The following ARHGAP8 variants were observed in gnomAD, a reference collection of about 807,000 sequenced individuals.
The protein encoded by ARHGAP8 is Rho GTPase activating protein 8.
A neutral mutation model predicts 46.1 loss-of-function variants in ARHGAP8; 62 were observed. That is an observed-to-expected ratio of 1.34 (90% CI 1.10 to 1.66). The LOEUF (loss-of-function observed/expected upper bound fraction) is 1.66. Among genes scored for constraint, ARHGAP8 ranks in the 40% most tolerant of loss-of-function variants. ARHGAP8 has a pLI of 0.00. For synonymous variants in ARHGAP8, 375 were observed against 243.1 expected (o/e 1.54, Z -5.05); for missense variants, 923 against 568.4 (o/e 1.62, Z -6.34).
chr22:44,798,873 TC>T (rs1928286751), intron 2 of ARHGAP8, among the ~76,000 whole-genome samples: 1 of 151,656 alleles, frequency 6.6e-6, no homozygotes, highest in African/African-American at 2.4e-5. Context: ...TCAAGCAATT[TC>T]CTGCCTCAGC....
intron 11 of ARHGAP8, 127 bp downstream of exon 11, chr22:44,859,961 A>C (rs1287211699): frequency 2.7e-6 from 3 of 1,113,350 alleles, no homozygotes; most frequent in African/African-American, 1.6e-5. Flanking sequence ...TCGGAATACC[A>C]CTCCCTGCCC....
chr22:44,781,203 C>A (rs1392401588), intron 1 of ARHGAP8, among the ~76,000 whole-genome samples: 2 of 152,092 alleles, frequency 1.3e-5, no homozygotes, highest in African/African-American at 4.8e-5. Flanking sequence ...ATCAGCATTT[C>A]ACATCCAGAT....
At chr22:44,847,456 A>G (rs1373744940) in intron 8 of ARHGAP8, among the ~76,000 whole-genome samples, 1 of 152,206 alleles carries the variant, frequency 6.6e-6, no homozygotes, top group African/African-American at 2.4e-5. Flanking sequence ...GGCTCATGCA[A>G]TTGAGTGACT....
At chr22:44,861,472 G>A (rs1306345848) in intron 11 of ARHGAP8, among the ~76,000 whole-genome samples, 1 of 149,090 alleles carries the variant, frequency 6.7e-6, no homozygotes, top group African/African-American at 2.5e-5. Context: ...CGGCAGCCAG[G>A]GGGAGCCTGA....
intron 1 of ARHGAP8, among the ~76,000 whole-genome samples, chr22:44,753,640 C>G (rs1274069018): frequency 6.6e-6 from 1 of 152,108 alleles, no homozygotes; most frequent in Non-Finnish European, 1.5e-5. Context: ...CTGAGAATCC[C>G]TCGGGCTCTG....
At chr22:44,776,989 C>T (rs972321320) in intron 1 of ARHGAP8, among the ~76,000 whole-genome samples, 1 of 152,140 alleles carries the variant, frequency 6.6e-6, no homozygotes, top group African/African-American at 2.4e-5. Flanking sequence ...GCTGTTCCTG[C>T]TGTTTCTGGG....
At chr22:44,860,828 C>A (rs997507913) in intron 11 of ARHGAP8, among the ~76,000 whole-genome samples, 3 of 152,194 alleles carry the variant, frequency 2.0e-5, no homozygotes, top group Non-Finnish European at 4.4e-5. Context: ...AATGTTTAAC[C>A]CCCTCCATCT....
At chr22:44,842,273 C>G (rs933814274) in intron 7 of ARHGAP8, among the ~76,000 whole-genome samples, 1 of 152,184 alleles carries the variant, frequency 6.6e-6, no homozygotes, top group Non-Finnish European at 1.5e-5. Context: ...AGGAGAATTG[C>G]TTCAACTCAG....
chr22:44,831,176 AATTT>A (rs1341843136), intron 7 of ARHGAP8, among the ~76,000 whole-genome samples: 1 of 152,098 alleles, frequency 6.6e-6, no homozygotes, highest in African/African-American at 2.4e-5. Context: ...GATGAAGTCC[AATTT>A]ATTTATTTTT....
rs188341702 is a variant in ARHGAP8, at chr22:44,765,468, C to G, written c.-72+12841C>G. 3.3e-3 allele frequency: 495 copies of G among 151,792 alleles called. 1 individual carries two copies. The highest frequency in any genetic ancestry group is 0.011 in the African/African-American group (467 of 41,286). The allele number at this position is 151,792 out of a possible 1,614,324, so 9.4% of individuals were successfully genotyped here. On this transcript the variant is annotated intron_variant, in intron 1 of 11. Transcript: ENST00000356099. ...GGCCAGCCCACAAGGGGGGTGTAAT[C>G]GGGACCCTAGGGGCCCTGGGGAGGG...
In ARHGAP8 at chr22:44,808,328, C is replaced by T; in HGVS notation, c.189C>T (p.Asp63=). 1.2e-6 allele frequency: 2 copies of T among 1,614,162 alleles called. No homozygotes were observed. The highest frequency in any genetic ancestry group is 3.3e-4 in the Middle Eastern group (2 of 6,062). Residue 63 remains aspartate, a synonymous_variant, in exon 4 of 12, where the codon GAC becomes GAT. Coordinates refer to ENST00000356099, the MANE Select transcript of ARHGAP8 (RefSeq NM_181335.3). ...RLLEYLKYTL[D]QYVENDYTIV... ...CCAGGTATTTGAAGTACACACTGGA[C>T]CAATACGTTGAGAACGATTATACCA...
intron 1 of ARHGAP8, among the ~76,000 whole-genome samples, chr22:44,779,185 C>T (rs913438287): frequency 8.0e-5 from 12 of 150,016 alleles, no homozygotes; most frequent in African/African-American, 2.4e-4. Context: ...CTGCAACCTC[C>T]GCCTCTTGGG....
chr22:44,838,737 G>C (rs562735393), intron 7 of ARHGAP8, among the ~76,000 whole-genome samples: 1 of 152,310 alleles, frequency 6.6e-6, no homozygotes, highest in African/African-American at 2.4e-5. Context: ...ATCAATGGAT[G>C]CAGGCTCTCC....
intron 5 of ARHGAP8, among the ~76,000 whole-genome samples, chr22:44,821,255 C>T (rs1023148496): frequency 3.9e-5 from 6 of 151,958 alleles, no homozygotes; most frequent in Non-Finnish European, 7.4e-5. Context: ...CATGTTGAAA[C>T]CCCGTCTCTA....
At chr22:44,812,841 C>T (rs1929434182) in intron 4 of ARHGAP8, among the ~76,000 whole-genome samples, 1 of 152,248 alleles carries the variant, frequency 6.6e-6, no homozygotes, top group Non-Finnish European at 1.5e-5. Context: ...AGAGCTTTTT[C>T]TTCTCCTCAC....
Position 44,805,298 on chromosome 22 carries a change from C to T in ARHGAP8, c.168-3009C>T, listed in dbSNP as rs184355951. On this transcript the variant is annotated intron_variant, in intron 3 of 11. Coordinates refer to ENST00000356099, the MANE Select transcript of ARHGAP8 (RefSeq NM_181335.3). ...AAGCGAATTGGTGGTTGCCGGGTAC[C>T]GGGAGTGTGATGGGGAGAATGACTG... Among the ~76,000 whole-genome samples, 259 of 152,192 alleles carry T rather than the reference C, an allele frequency of 1.7e-3. 1 individual carries two copies. Among genetic ancestry groups the T allele is most frequent in the Middle Eastern group, 3.4e-3 (1 of 294 alleles).
Position 44,848,015 on chromosome 22 carries a change from A to T in ARHGAP8, c.713A>T (p.Gln238Leu). The change falls in exon 9 of 12, where the codon CAG (glutamine) becomes CTG (leucine). Residue 238 changes from glutamine to leucine, a missense_variant. Gln to Leu is a moderately radical substitution (Grantham distance 113). Transcript: ENST00000356099. ...EGLFRRSASVQTVREIQRLYN... is the reference protein window; with the variant it reads ...EGLFRRSASVLTVREIQRLYN... The stretch of plus-strand genomic sequence containing the variant: ...CTGTTCCGGAGATCCGCCAGCGTGC[A>T]GACCGTCCGCGAGATCCAGAGGCTC... 6.2e-7 allele frequency: 1 copy of T among 1,608,144 alleles called. No individual in the cohort carries two copies. Among genetic ancestry groups the T allele is most frequent in the African/African-American group, 1.3e-5 (1 of 75,056 alleles).
intron 7 of ARHGAP8, among the ~76,000 whole-genome samples, chr22:44,836,692 A>C (rs2285116): frequency 0.16 from 23,641 of 151,564 alleles, 2,089 homozygotes; most frequent in East Asian, 0.31. Flanking sequence ...AGCTGCAGCC[A>C]TTCATCCCCT....
At position 44,784,106 on chromosome 22, in the gene ARHGAP8, T is replaced by TAA. The variant is rs553525704; in HGVS notation, c.-71-2343_-71-2342dup. On this transcript the variant is annotated intron_variant, in intron 1 of 11. Coordinates refer to ENST00000356099, the MANE Select transcript of ARHGAP8 (RefSeq NM_181335.3). ...ACAATAAAACCATGCAAATTAAAAA[T>TAA]AAAAAAAAAGTACACTGCCAGCCAC... Among the ~76,000 whole-genome samples, 689 of 150,866 alleles carry TAA rather than the reference T, an allele frequency of 4.6e-3. 5 individuals carry two copies. Among genetic ancestry groups the TAA allele is most frequent in the African/African-American group, 0.016 (672 of 41,096 alleles).
Sources: gnomAD v4.1 joint callset for allele counts (sites outside exome capture counted in the v4.1 genomes callset) on GRCh38, gnomAD v4.1.1 for gene constraint, MANE v1.5 for transcripts, NCBI Gene and HGNC (gene_info 2026-07-23, HGNC 2026-07-21) for gene names.